PCDHGA6: variants seen among roughly 807,000 people sequenced by gnomAD.
The protein encoded by PCDHGA6 is protocadherin gamma subfamily A, 6.
In PCDHGA6, 41 loss-of-function variants were observed where a neutral mutation model predicts 60.6. That is an observed-to-expected ratio of 0.68 (90% CI 0.53 to 0.88). The LOEUF (loss-of-function observed/expected upper bound fraction) is 0.88. Ranked by LOEUF, PCDHGA6 falls within the 40% of genes least tolerant of loss-of-function variation. PCDHGA6 has a pLI of 0.00. For missense variants in PCDHGA6, 1,312 were observed against 1,203.0 expected (o/e 1.09, Z -1.34); for synonymous variants, 594 against 524.4 (o/e 1.13, Z -1.81).
chr5:141,400,700 AAAG>A (rs1199384329), intron 1 of PCDHGA6: 5 of 728,844 alleles, frequency 6.9e-6, no homozygotes, highest in Non-Finnish European at 1.1e-5. Flanking sequence ...ATGTCGCATA[AAAG>A]AAGTAGCCTT....
chr5:141,394,001 G>A (rs766773377), intron 1 of PCDHGA6: 4 of 1,613,340 alleles, frequency 2.5e-6, no homozygotes, highest in Admixed American at 1.7e-5. Context: ...AATTAGAAAA[G>A]TCAATAGGTA....
chr5:141,444,360 G>A (rs556605314), intron 1 of PCDHGA6, among the ~76,000 whole-genome samples: 1 of 151,652 alleles, frequency 6.6e-6, no homozygotes, highest in South Asian at 2.1e-4. Context: ...TAGTAGAGAC[G>A]GGGTTTCTCC....
Position 141,491,260 on chromosome 5 carries a change from A to G in PCDHGA6, c.2425-3547A>G. On this transcript the variant is annotated intron_variant, in intron 1 of 3. Coordinates refer to ENST00000517434, the MANE Select transcript of PCDHGA6 (RefSeq NM_018919.3). This position sits in a 1 kb window ranked among gnomAD's most constrained non-coding sequence, Gnocchi z 6.9. ...TCTGGAGGATGAGGACCCTGAGGAA[A>G]TGCCCAAATCCAGTGACTTCCTCAT... 6.2e-7 allele frequency: 1 copy of G among 1,614,108 alleles called. No individual in the cohort carries two copies. The highest frequency in any genetic ancestry group is 1.7e-5 in the Admixed American group (1 of 60,028).
At chr5:141,488,273 C>A (rs1411817846) in intron 1 of PCDHGA6, among the ~76,000 whole-genome samples, 6 of 152,256 alleles carry the variant, frequency 3.9e-5, no homozygotes, top group East Asian at 1.9e-4. Flanking sequence ...TTGGTCATCA[C>A]CTTTGGAAAA....
chr5:141,405,995 A>T (rs985162414), intron 1 of PCDHGA6, among the ~76,000 whole-genome samples: 1 of 151,964 alleles, frequency 6.6e-6, no homozygotes. Context: ...GGTAGCTCTC[A>T]GCCTGCATTG....
intron 1 of PCDHGA6, among the ~76,000 whole-genome samples, chr5:141,435,451 CTGTA>C: frequency 6.6e-6 from 1 of 152,258 alleles, no homozygotes; most frequent in Non-Finnish European, 1.5e-5. Context: ...AATACGATAT[CTGTA>C]TGTGTTTCCA....
intron 1 of PCDHGA6, chr5:141,433,240 C>A (rs533423214): frequency 1.3e-6 from 2 of 1,488,038 alleles, no homozygotes; most frequent in Non-Finnish European, 1.8e-6. Flanking sequence ...GTCTCCCAAG[C>A]TGGAATGCAG....
At chr5:141,508,830 C>G (rs1320903059) in intron 3 of PCDHGA6, among the ~76,000 whole-genome samples, 2 of 152,150 alleles carry the variant, frequency 1.3e-5, no homozygotes, top group Non-Finnish European at 2.9e-5. Flanking sequence ...CTGGGCCCCC[C>G]TCCCCTACCC....
chr5:141,400,232 C>T (rs2093984634), intron 1 of PCDHGA6: 1 of 1,614,032 alleles, frequency 6.2e-7, no homozygotes. Context: ...TTCCTCCTGG[C>T]CGTGATTCTG....
chr5:141,415,760 T>G (rs779762678), intron 1 of PCDHGA6: 355 of 1,388,296 alleles, frequency 2.6e-4, no homozygotes, highest in East Asian at 7.0e-4. Flanking sequence ...TTTTTTTTTT[T>G]TTTTTTTTTT....
chr5:141,390,522 G>A, intron 1 of PCDHGA6: 1 of 557,096 alleles, frequency 1.8e-6, no homozygotes, highest in Non-Finnish European at 3.1e-6. Flanking sequence ...AAGCAATGAG[G>A]GTGTGGTTTT....
chr5:141,510,949 G>C lies in PCDHGA6; in HGVS notation c.2575G>C (p.Ala859Pro), dbSNP rs762789865. The C allele has an allele frequency of 2.2e-5, 36 of 1,614,012 alleles. No homozygotes were observed. The highest frequency in any genetic ancestry group is 3.0e-5 in the Non-Finnish European group (35 of 1,180,020). ...CTGATCTTCCTCTGTCTCTGCAGAA[G>C]CTGCTGATGGGAGCTCCACCCTGGG... ...QAMILASASE[A>P]ADGSSTLGGG... is the part of the protein sequence containing the mutation. The change falls in exon 4 of 4, where the codon GCT (alanine) becomes CCT (proline). Residue 859 changes from alanine (A) to proline (P), a missense_variant and splice_region_variant. Coordinates refer to ENST00000517434, the MANE Select transcript of PCDHGA6 (RefSeq NM_018919.3).
intron 1 of PCDHGA6, among the ~76,000 whole-genome samples, chr5:141,436,477 G>A (rs748354852): frequency 1.3e-5 from 2 of 152,168 alleles, no homozygotes; most frequent in Non-Finnish European, 2.9e-5. Context: ...ATGTATCATA[G>A]AAGGATAGCA....
At chr5:141,394,592 G>T (rs754585576) in intron 1 of PCDHGA6, 1 of 1,613,760 alleles carries the variant, frequency 6.2e-7, no homozygotes, top group Non-Finnish European at 8.5e-7. Flanking sequence ...AGGTGGTGGC[G>T]GTGGACAGAG....
intron 1 of PCDHGA6, among the ~76,000 whole-genome samples, chr5:141,425,918 C>T (rs901485843): frequency 1.1e-4 from 16 of 152,200 alleles, no homozygotes; most frequent in Admixed American, 2.0e-4. Flanking sequence ...ACAGTCACTA[C>T]GAAAACTCAT....
intron 1 of PCDHGA6, among the ~76,000 whole-genome samples, chr5:141,474,651 C>T (rs2099352565): frequency 6.6e-6 from 1 of 152,178 alleles, no homozygotes; most frequent in South Asian, 2.1e-4. Flanking sequence ...ATCCTTACTT[C>T]TTTTCTACCT....
chr5:141,419,108 G>C (rs1449189374), intron 1 of PCDHGA6: 2 of 1,613,792 alleles, frequency 1.2e-6, no homozygotes, highest in African/African-American at 1.3e-5. Flanking sequence ...GCAGACCCCA[G>C]AGTACAACGT....
intron 1 of PCDHGA6, chr5:141,427,607 T>C (rs1157037825): frequency 1.5e-6 from 1 of 688,594 alleles, no homozygotes; most frequent in Non-Finnish European, 2.7e-6. Context: ...TACGCATTGG[T>C]GAAGTCAACG....
At position 141,390,009 on chromosome 5, in the gene PCDHGA6, A is replaced by G. The variant is rs200734314; in HGVS notation, c.2424+13502A>G. The G allele has an allele frequency of 4.0e-3, 6,510 of 1,613,890 alleles. 27 individuals carry two copies. Among genetic ancestry groups the G allele is most frequent in the Non-Finnish European group, 4.8e-3 (5,639 of 1,179,872 alleles). ...CTTCCTCGTGGCCATGATTCTGGCCATTGCCTTGCGCCTGCGACGCTCCTC... is the reference window on the plus strand; with the variant it reads ...CTTCCTCGTGGCCATGATTCTGGCCGTTGCCTTGCGCCTGCGACGCTCCTC... On this transcript the variant is annotated intron_variant, in intron 1 of 3. Coordinates refer to ENST00000517434, the MANE Select transcript of PCDHGA6 (RefSeq NM_018919.3).
Sources: allele counts gnomAD v4.1 joint callset (sites outside exome capture counted in the v4.1 genomes callset), GRCh38; gene constraint gnomAD v4.1.1; non-coding constraint Gnocchi (gnomAD v3.1); transcripts MANE v1.5; gene names NCBI Gene and HGNC (gene_info 2026-07-23, HGNC 2026-07-21).